FSTL5: variants seen among roughly 807,000 people sequenced by gnomAD.
The protein encoded by FSTL5 is follistatin like 5.
Under a neutral mutation model 89.1 loss-of-function variants are expected in FSTL5, and 62 were observed. That is an observed-to-expected ratio of 0.70 (90% CI 0.57 to 0.86). FSTL5 has a LOEUF of 0.86. Among genes scored for constraint, FSTL5 ranks in the 40% least tolerant of loss-of-function variants. The pLI is 0.00. For synonymous variants in FSTL5, 383 were observed against 346.2 expected, an observed-to-expected ratio of 1.11 and a Z score of -1.18; for missense variants, 1,057 against 1,001.6, an observed-to-expected ratio of 1.06 and a Z score of -0.75.
chr4:161,738,956 T>G lies in FSTL5; in HGVS notation c.727+20455A>C, dbSNP rs939742472. On this transcript the variant is annotated intron_variant, in intron 6 of 15. Coordinates refer to ENST00000306100, the MANE Select transcript of FSTL5 (RefSeq NM_020116.5). Reference sequence around the variant, plus strand: ...TATTTCTAAAATTTACAAAGAAAAATATTCTTGTCCAATTTTTTATAAGAC... The same window carrying G: ...TATTTCTAAAATTTACAAAGAAAAAGATTCTTGTCCAATTTTTTATAAGAC... Among the ~76,000 whole-genome samples, 7 of 152,196 alleles carry G rather than the reference T, an allele frequency of 4.6e-5. 1 individual carries two copies. The highest frequency in any genetic ancestry group is 1.7e-4 in the African/African-American group (7 of 41,456).
At chr4:162,027,315 TA>T (rs1405209593) in intron 3 of FSTL5, among the ~76,000 whole-genome samples, 1 of 152,102 alleles carries the variant, frequency 6.6e-6, no homozygotes, top group East Asian at 1.9e-4. Context: ...TTTAGAGAGG[TA>T]TTTACTTAAT....
chr4:162,053,235 C>T (rs1738439493), intron 2 of FSTL5, among the ~76,000 whole-genome samples: 1 of 151,698 alleles, frequency 6.6e-6, no homozygotes, highest in Non-Finnish European at 1.5e-5. Flanking sequence ...AGGAAAAATA[C>T]TTTCCTGAGT....
chr4:162,019,294 A>C (rs1176454950), intron 3 of FSTL5, among the ~76,000 whole-genome samples: 2 of 152,186 alleles, frequency 1.3e-5, no homozygotes, highest in East Asian at 3.9e-4. Context: ...TCTAGATACC[A>C]ACTCATTTTT....
intron 4 of FSTL5, among the ~76,000 whole-genome samples, chr4:161,779,883 G>T: frequency 7.4e-6 from 1 of 135,778 alleles, no homozygotes; most frequent in African/African-American, 2.7e-5. Flanking sequence ...TATTACAGAA[G>T]GAGAAAGAAC....
intron 3 of FSTL5, among the ~76,000 whole-genome samples, chr4:162,018,449 T>C (rs1736979464): frequency 6.6e-6 from 1 of 152,300 alleles, no homozygotes; most frequent in South Asian, 2.1e-4. Context: ...GATAATACTT[T>C]GAATTTGTGA....
intron 6 of FSTL5, among the ~76,000 whole-genome samples, chr4:161,720,712 C>A (rs890790799): frequency 4.6e-5 from 7 of 152,090 alleles, no homozygotes; most frequent in African/African-American, 1.7e-4. Flanking sequence ...CACCATTTGC[C>A]ACAAAATGGA....
intron 8 of FSTL5, among the ~76,000 whole-genome samples, chr4:161,544,397 A>T (rs1421434569): frequency 6.6e-6 from 1 of 152,038 alleles, no homozygotes; most frequent in Non-Finnish European, 1.5e-5. Flanking sequence ...TTTACATATT[A>T]TATTAATCCA....
intron 10 of FSTL5, among the ~76,000 whole-genome samples, chr4:161,530,406 AATTT>A (rs1731372256): frequency 1.4e-5 from 2 of 143,210 alleles, no homozygotes; most frequent in Non-Finnish European, 3.1e-5. Context: ...ATGTTTATAT[AATTT>A]ATTTACGCAA....
chr4:161,459,538 T>C (rs1733487872), intron 13 of FSTL5, among the ~76,000 whole-genome samples: 2 of 152,154 alleles, frequency 1.3e-5, no homozygotes, highest in Non-Finnish European at 2.9e-5. Context: ...TTTTTTATCA[T>C]ATACAATTAT....
At position 161,581,441 on chromosome 4, in the gene FSTL5, C is replaced by A. The variant is rs115882875; in HGVS notation, c.1015+6014G>T. ...TCACTGTCTCACTTTCTAGATCTCT[C>A]TGCAGTCTGGCCAAGTTTAGCTAGG... On this transcript the variant is annotated intron_variant, in intron 8 of 15. Coordinates refer to ENST00000306100, the MANE Select transcript of FSTL5 (RefSeq NM_020116.5). Among the ~76,000 whole-genome samples the A allele has an allele frequency of 2.7e-3, 411 of 152,080 alleles. 1 individual carries two copies. The highest frequency in any genetic ancestry group is 4.9e-3 in the Non-Finnish European group (334 of 67,982).
At chr4:161,399,838 A>C (rs1032358195) in intron 15 of FSTL5, among the ~76,000 whole-genome samples, 1 of 152,136 alleles carries the variant, frequency 6.6e-6, no homozygotes, top group African/African-American at 2.4e-5. Flanking sequence ...ATTAAGTAGT[A>C]CAGTATGTAC....
chr4:161,979,181 T>C (rs1735745831), intron 3 of FSTL5, among the ~76,000 whole-genome samples: 2 of 152,178 alleles, frequency 1.3e-5, no homozygotes, highest in Admixed American at 1.3e-4. Context: ...CTAGCCCATA[T>C]TGGCTTATTC....
intron 4 of FSTL5, among the ~76,000 whole-genome samples, chr4:161,835,897 G>C (rs1183028249): frequency 1.3e-5 from 2 of 150,770 alleles, no homozygotes; most frequent in African/African-American, 4.9e-5. Flanking sequence ...TCAGTGTGGC[G>C]ATTCCTCAGG....
chr4:161,390,135 A>G lies in FSTL5; in HGVS notation c.1842-3686T>C, dbSNP rs28524506. ...AGACAGTCTAGCTCACTCTACCTCC[A>G]CCTTCACTAGAGGCACTGCTTCAGT... is the stretch of plus-strand genomic sequence containing the variant. On this transcript the variant is annotated intron_variant, in intron 15 of 15. Coordinates refer to ENST00000306100, the MANE Select transcript of FSTL5 (RefSeq NM_020116.5). Among the ~76,000 whole-genome samples, 1,282 of 152,164 alleles carry G rather than the reference A, an allele frequency of 8.4e-3. 14 individuals carry two copies. Among genetic ancestry groups the G allele is most frequent in the African/African-American group, 0.029 (1,192 of 41,496 alleles).
intron 15 of FSTL5, among the ~76,000 whole-genome samples, chr4:161,409,573 G>T (rs145163868): frequency 3.9e-5 from 6 of 152,080 alleles, no homozygotes; most frequent in Non-Finnish European, 2.9e-5. Flanking sequence ...GTAGAGATGG[G>T]GTTTCACCAC....
intron 8 of FSTL5, among the ~76,000 whole-genome samples, chr4:161,577,488 A>AG (rs926899600): frequency 3.3e-5 from 5 of 150,870 alleles, no homozygotes; most frequent in Non-Finnish European, 7.4e-5. Flanking sequence ...AAAAAAAAAA[A>AG]AAAGGAAACA....
chr4:161,878,583 A>T (rs1732523262), intron 4 of FSTL5, among the ~76,000 whole-genome samples: 1 of 152,076 alleles, frequency 6.6e-6, no homozygotes, highest in African/African-American at 2.4e-5. Context: ...TATATTTTTA[A>T]ATATAATAAG....
chr4:162,061,040 C>T (rs1738701836), intron 2 of FSTL5, among the ~76,000 whole-genome samples: 1 of 152,100 alleles, frequency 6.6e-6, no homozygotes, highest in Non-Finnish European at 1.5e-5. Context: ...GGCAAGTCCA[C>T]ATCATAATAA....
At chr4:161,413,693 T>C (rs887085469) in intron 15 of FSTL5, among the ~76,000 whole-genome samples, 2 of 152,158 alleles carry the variant, frequency 1.3e-5, no homozygotes, top group African/African-American at 2.4e-5. Flanking sequence ...CAATGATAGA[T>C]TGGATAAATT....
Sources: allele counts gnomAD v4.1 joint callset (sites outside exome capture counted in the v4.1 genomes callset), GRCh38; gene constraint gnomAD v4.1.1; transcripts MANE v1.5; gene names NCBI Gene and HGNC (gene_info 2026-07-23, HGNC 2026-07-21).